SHTN1: variants seen among roughly 807,000 people sequenced by gnomAD.
SHTN1 encodes shootin-1.
In SHTN1, 42 loss-of-function variants were observed where a neutral mutation model predicts 83.1. The observed-to-expected ratio is 0.51, with a 90% CI of 0.39 to 0.65. SHTN1 has a LOEUF of 0.65. SHTN1 is among the 30% of genes least tolerant of loss of function. The probability of loss-of-function intolerance (pLI) is 0.00; values close to 1 mark genes in which losing one functional copy is unlikely to be tolerated. For missense variants in SHTN1, 622 were observed against 737.8 expected (o/e 0.84, Z 1.82); for synonymous variants, 224 against 247.7 (o/e 0.90, Z 0.90).
At chr10:117,052,516 A>C (rs1310167119) in intron 1 of SHTN1, among the ~76,000 whole-genome samples, 1 of 152,146 alleles carries the variant, frequency 6.6e-6, no homozygotes, top group East Asian at 1.9e-4. Context: ...CACACTTCCC[A>C]ATTTCCTAAC....
intron 1 of SHTN1, among the ~76,000 whole-genome samples, chr10:116,982,975 G>C (rs1851082143): frequency 6.6e-6 from 1 of 150,820 alleles, no homozygotes; most frequent in Non-Finnish European, 1.5e-5. Flanking sequence ...AAAAAAAAAA[G>C]AACAGATGAA....
chr10:117,125,901 C>A (rs1419672496), intron 1 of SHTN1, among the ~76,000 whole-genome samples: 1 of 152,162 alleles, frequency 6.6e-6, no homozygotes, highest in Non-Finnish European at 1.5e-5. Flanking sequence ...GATGACCTGA[C>A]TTTCTGGCCA....
At chr10:117,027,712 A>T (rs981529131) in intron 2 of SHTN1, among the ~76,000 whole-genome samples, 1 of 152,080 alleles carries the variant, frequency 6.6e-6, no homozygotes, top group Non-Finnish European at 1.5e-5. Context: ...GTTAGCCAGG[A>T]TGGTCTCGAT....
chr10:117,030,250 C>T (rs951321593), intron 2 of SHTN1, among the ~76,000 whole-genome samples: 5 of 152,136 alleles, frequency 3.3e-5, no homozygotes, highest in African/African-American at 1.2e-4. Flanking sequence ...GTAATACAAC[C>T]AATAATGTGG....
intron 1 of SHTN1, among the ~76,000 whole-genome samples, chr10:117,093,697 G>A (rs552905846): frequency 6.6e-6 from 1 of 152,120 alleles, no homozygotes; most frequent in Non-Finnish European, 1.5e-5. Flanking sequence ...ACAACTTACG[G>A]AACAACTAGG....
intron 1 of SHTN1, among the ~76,000 whole-genome samples, chr10:117,001,872 T>C (rs1364038137): frequency 6.6e-6 from 1 of 152,118 alleles, no homozygotes; most frequent in South Asian, 2.1e-4. Context: ...ACAAGTCTCA[T>C]GTATCAGTTT....
chr10:116,922,124 A>G (rs1310696531), intron 11 of SHTN1, among the ~76,000 whole-genome samples: 3 of 152,180 alleles, frequency 2.0e-5, no homozygotes, highest in Non-Finnish European at 4.4e-5. Context: ...AATTCTACAG[A>G]TCAATGAGAA....
intron 3 of SHTN1, among the ~76,000 whole-genome samples, chr10:116,963,838 G>C (rs534973794): frequency 5.3e-5 from 8 of 152,140 alleles, no homozygotes; most frequent in Non-Finnish European, 8.8e-5. Flanking sequence ...GAACATAGAA[G>C]TATAACATAA....
intron 1 of SHTN1, among the ~76,000 whole-genome samples, chr10:116,980,040 G>A (rs1850960232): frequency 6.6e-6 from 1 of 150,858 alleles, no homozygotes; most frequent in Non-Finnish European, 1.5e-5. Context: ...GGAAAGTTGT[G>A]TACTTAAAAT....
chr10:117,017,418 G>C (rs370670263), intron 2 of SHTN1, among the ~76,000 whole-genome samples: 2 of 149,474 alleles, frequency 1.3e-5, no homozygotes, highest in East Asian at 2.0e-4. Flanking sequence ...GTGAACCCGG[G>C]AGGCAGAGCT....
chr10:117,015,050 C>T (rs1005082116), intron 2 of SHTN1, among the ~76,000 whole-genome samples: 12 of 152,090 alleles, frequency 7.9e-5, no homozygotes, highest in Non-Finnish European at 1.5e-4. Flanking sequence ...TCAAACATCA[C>T]AGTACTTTCA....
intron 1 of SHTN1, among the ~76,000 whole-genome samples, chr10:116,992,697 G>C (rs986424553): frequency 2.0e-5 from 3 of 151,794 alleles, no homozygotes; most frequent in African/African-American, 7.3e-5. Flanking sequence ...TTCTTAGAGG[G>C]GACAAAAAAG....
chr10:116,908,921 T>C (rs74159004), intron 14 of SHTN1, among the ~76,000 whole-genome samples: 1 of 152,086 alleles, frequency 6.6e-6, no homozygotes, highest in Non-Finnish European at 1.5e-5. Context: ...AGCTAACATA[T>C]GAGTAAACTT....
intron 14 of SHTN1, 65 bp downstream of exon 14, chr10:116,911,725 A>C: frequency 6.3e-7 from 1 of 1,579,578 alleles, no homozygotes; most frequent in Non-Finnish European, 8.7e-7. Context: ...CACAAAAAAC[A>C]GATTTTAAAA....
intron 7 of SHTN1, among the ~76,000 whole-genome samples, chr10:116,946,358 C>CA (rs910262344): frequency 7.0e-6 from 1 of 143,176 alleles, no homozygotes; most frequent in African/African-American, 2.6e-5. Context: ...AATTTTCCAC[C>CA]AAAAAAAGTA....
chr10:117,035,454 C>T lies in SHTN1; in HGVS notation c.-123+12991G>A, dbSNP rs145582757. ...AATTTCTTGAGTAATATCCTATAAACACAGGCAACCAAAGCACAAATAAAC... is the reference window on the plus strand; with the variant it reads ...AATTTCTTGAGTAATATCCTATAAATACAGGCAACCAAAGCACAAATAAAC... On this transcript the variant is annotated intron_variant, in intron 2 of 17. Coordinates refer to the SHTN1 transcript ENST00000392901. Among the ~76,000 whole-genome samples, 96 of 152,242 alleles carry T rather than the reference C, an allele frequency of 6.3e-4. 1 individual carries two copies. The highest frequency in any genetic ancestry group is 2.2e-3 in the African/African-American group (91 of 41,534).
intron 1 of SHTN1, among the ~76,000 whole-genome samples, chr10:117,110,927 TGG>T (rs1163528736): frequency 6.6e-6 from 1 of 152,158 alleles, no homozygotes; most frequent in East Asian, 1.9e-4. Flanking sequence ...CTGGGTGTAA[TGG>T]CTCATGCCTG....
At chr10:116,967,113 C>A (rs1338465320) in intron 3 of SHTN1, among the ~76,000 whole-genome samples, 2 of 152,134 alleles carry the variant, frequency 1.3e-5, no homozygotes, top group African/African-American at 4.8e-5. Flanking sequence ...TATAAATAAT[C>A]AAATACCCTG....
chr10:116,954,142 T>A lies in SHTN1; in HGVS notation c.336A>T (p.Val112=), dbSNP rs750224783. The A allele has an allele frequency of 6.2e-7, 1 of 1,613,830 alleles. No individual in the cohort carries two copies. The highest frequency in any genetic ancestry group is 8.5e-7 in the Non-Finnish European group (1 of 1,179,816). Residue 112 remains valine (V), a synonymous_variant, in exon 5 of 17, where the codon GTA becomes GTT. Transcript: ENST00000355371. ...CATCAATGTTTATCTCTTCAGTTAT[T>A]ACATCTGGTCCCAGCTTGGCCATGT... ...MLYMAKLGPD[V]ITEEINIDDE...
Sources: gnomAD v4.1 joint callset for allele counts (sites outside exome capture counted in the v4.1 genomes callset) on GRCh38, gnomAD v4.1.1 for gene constraint, MANE v1.5 for transcripts, NCBI Gene and HGNC (gene_info 2026-07-23, HGNC 2026-07-21) for gene names.